BRIP1: variants seen among roughly 807,000 people sequenced by gnomAD.
BRIP1 encodes Fanconi anemia group J protein.
A neutral mutation model predicts 119.7 loss-of-function variants in BRIP1; 88 were observed. The ratio of observed to expected loss-of-function variants is 0.74; its 90% CI spans 0.62 to 0.88. BRIP1 has a LOEUF of 0.88. Ranked by LOEUF, BRIP1 falls within the 40% of genes least tolerant of loss-of-function variation. The pLI, the probability that BRIP1 is intolerant of heterozygous loss-of-function variation, is 0.00. For synonymous variants in BRIP1, 443 were observed against 496.5 expected (o/e 0.89, Z 1.43); for missense variants, 1,259 against 1,455.4 (o/e 0.87, Z 2.20).
At chr17:61,765,680 C>G (rs1307767533) in intron 14 of BRIP1, among the ~76,000 whole-genome samples, 1 of 150,754 alleles carries the variant, frequency 6.6e-6, no homozygotes, top group African/African-American at 2.4e-5. Flanking sequence ...GGTGATCCAC[C>G]CTCCTTGGCC....
chr17:61,856,915 C>T lies in BRIP1; in HGVS notation c.379+143G>A. On this transcript the variant is annotated intron_variant, in intron 4 of 19. Coordinates refer to ENST00000259008, the MANE Select transcript of BRIP1 (RefSeq NM_032043.3). The surrounding 1 kb of genome is among the most constrained non-coding windows in gnomAD (Gnocchi z 5.1). ...TCTATGGATTTTTGACCACTCTGTGCTATTTTAAAATCATTCCAGAGAAAC... is the reference window on the plus strand; with the variant it reads ...TCTATGGATTTTTGACCACTCTGTGTTATTTTAAAATCATTCCAGAGAAAC... 6.0e-6 allele frequency: 5 copies of T among 828,098 alleles called. No homozygotes were observed. In the South Asian group the frequency reaches 7.9e-5, roughly 13 times the overall value. 51.3% of individuals were successfully genotyped at this position (828,098 alleles called of 1,614,324 possible).
rs2076908247 is a variant in BRIP1 at position 61,735,696 on chromosome 17, G to C, written c.2379+7317C>G. Among the ~76,000 whole-genome samples, 1 of 151,938 alleles carries C rather than the reference G, an allele frequency of 6.6e-6. No homozygotes were observed. Among genetic ancestry groups the C allele is most frequent in the Non-Finnish European group, 1.5e-5 (1 of 67,994 alleles). On this transcript the variant is annotated intron_variant, in intron 16 of 19. Coordinates refer to ENST00000259008, the MANE Select transcript of BRIP1 (RefSeq NM_032043.3). This position sits in a 1 kb window ranked among gnomAD's most constrained non-coding sequence, Gnocchi z 4.4. ...TGTGGCTGTAGTGCCAGCTACCCAGGAGGCTGAGGTGGGAGGATCACCTGA... is the reference window on the plus strand; with the variant it reads ...TGTGGCTGTAGTGCCAGCTACCCAGCAGGCTGAGGTGGGAGGATCACCTGA...
rs1007491136 is a variant in BRIP1 at position 61,794,662 on chromosome 17, C to T, written c.1341-933G>A. 6.7e-6 allele frequency among the ~76,000 whole-genome samples: 1 copy of T among 150,146 alleles called. No homozygotes were observed. The highest frequency in any genetic ancestry group is 1.5e-5 in the Non-Finnish European group (1 of 67,672). ...CATGTTTACCTGTATAACAAACCTG[C>T]ACATGTACCCCTGAACTTAAAAGTT... On this transcript the variant is annotated intron_variant, in intron 9 of 19. Transcript: ENST00000259008. This position sits in a 1 kb window ranked among gnomAD's most constrained non-coding sequence, Gnocchi z 4.3.
Position 61,845,932 on chromosome 17 carries a change from T to C in BRIP1, c.627+1169A>G, listed in dbSNP as rs1437390900. ...TGATGCTGGAAAACTATTATTAACATAGGTTGGGTTGAGGCCAAGGTGGGC... is the reference window on the plus strand; with the variant it reads ...TGATGCTGGAAAACTATTATTAACACAGGTTGGGTTGAGGCCAAGGTGGGC... On this transcript the variant is annotated intron_variant, in intron 6 of 19. Transcript: ENST00000259008. This position sits in a 1 kb window ranked among gnomAD's most constrained non-coding sequence, Gnocchi z 4.2. Among the ~76,000 whole-genome samples the C allele has an allele frequency of 1.3e-5, 2 of 152,192 alleles. No individual in the cohort carries two copies. Among genetic ancestry groups the C allele is most frequent in the East Asian group, 3.9e-4 (2 of 5,178 alleles).
Position 61,752,032 on chromosome 17 carries a change from G to A in BRIP1, c.2098-7441C>T, listed in dbSNP as rs1449157189. Among the ~76,000 whole-genome samples the A allele has an allele frequency of 6.6e-6, 1 of 152,092 alleles. No homozygotes were observed. Among genetic ancestry groups the A allele is most frequent in the Non-Finnish European group, 1.5e-5 (1 of 68,024 alleles). ...GATCCACCCCTCAGCCTCCCAAAGT[G>A]CCGGGATCACAGGCATGACCCACTG... On this transcript the variant is annotated intron_variant, in intron 14 of 19. Transcript: ENST00000259008. The surrounding 1 kb of genome is among the most constrained non-coding windows in gnomAD (Gnocchi z 6.2).
At position 61,795,102 on chromosome 17, in the gene BRIP1, T is replaced by A. The variant is rs1451788528; in HGVS notation, c.1341-1373A>T. ...GGCAATGGGAAGGCTTGGGTTTTAA[T>A]TTTTAATTTTCGTGGGTACATAGTA... On this transcript the variant is annotated intron_variant, in intron 9 of 19. Coordinates refer to ENST00000259008, the MANE Select transcript of BRIP1 (RefSeq NM_032043.3). This position sits in a 1 kb window ranked among gnomAD's most constrained non-coding sequence, Gnocchi z 5.6. Among the ~76,000 whole-genome samples, 1 of 152,108 alleles carries A rather than the reference T, an allele frequency of 6.6e-6. No homozygotes were observed. Among genetic ancestry groups the A allele is most frequent in the Non-Finnish European group, 1.5e-5 (1 of 67,994 alleles).
At position 61,722,045 on chromosome 17, in the gene BRIP1, T is replaced by A. The variant is rs1276324219; in HGVS notation, c.2380-5982A>T. ...CGCCTAGCCAACTTTGCTTTTTTTT[T>A]TTTTCTTTTTTTTTGAGACGGAGTC... On this transcript the variant is annotated intron_variant, in intron 16 of 19. Transcript: ENST00000259008. This position sits in a 1 kb window ranked among gnomAD's most constrained non-coding sequence, Gnocchi z 4.6. Among the ~76,000 whole-genome samples the A allele has an allele frequency of 6.6e-6, 1 of 151,354 alleles. No individual in the cohort carries two copies. The highest frequency in any genetic ancestry group is 1.5e-5 in the Non-Finnish European group (1 of 67,822).
intron 11 of BRIP1, among the ~76,000 whole-genome samples, chr17:61,781,699 G>A (rs776812829): frequency 2.6e-5 from 4 of 152,016 alleles, no homozygotes; most frequent in Non-Finnish European, 4.4e-5. Context: ...GAGGCAGGTG[G>A]ATCACGAGGT....
Position 61,683,916 on chromosome 17 carries a change from T to C in BRIP1, c.3130A>G (p.Lys1044Glu). Reference sequence around the variant, plus strand: ...TTATCAGTGAAGGGCAAAACAGTTTTACTTTCCATCTTCTCTGTTTTGAAA... The same window carrying C: ...TTATCAGTGAAGGGCAAAACAGTTTCACTTTCCATCTTCTCTGTTTTGAAA... ...PRFKTEKMESKTVLPFTDKCE... is the reference protein window; with the variant it reads ...PRFKTEKMESETVLPFTDKCE... Residue 1044 changes from lysine to glutamate, a missense_variant, in exon 20 of 20, where the codon AAA becomes GAA. Around this residue, in one of 3 missense-constraint regions of BRIP1, gnomAD observed 753 missense variants for 891.8 expected, o/e 0.84. Transcript: ENST00000259008. The surrounding 1 kb of genome is among the most constrained non-coding windows in gnomAD (Gnocchi z 4.7). 6.2e-7 allele frequency: 1 copy of C among 1,614,208 alleles called. No individual in the cohort carries two copies. The highest frequency in any genetic ancestry group is 8.5e-7 in the Non-Finnish European group (1 of 1,180,036).
chr17:61,748,943 C>T lies in BRIP1; in HGVS notation c.2098-4352G>A, dbSNP rs972782761. On this transcript the variant is annotated intron_variant, in intron 14 of 19. Coordinates refer to ENST00000259008, the MANE Select transcript of BRIP1 (RefSeq NM_032043.3). The surrounding 1 kb of genome is among the most constrained non-coding windows in gnomAD (Gnocchi z 4.7). ...ACGAGGTCAGGAGATTGAGACCATCCTGGCTAACACGGTGAAACCCCATCT... is the reference window on the plus strand; with the variant it reads ...ACGAGGTCAGGAGATTGAGACCATCTTGGCTAACACGGTGAAACCCCATCT... Among the ~76,000 whole-genome samples the T allele has an allele frequency of 6.6e-6, 1 of 152,142 alleles. No homozygotes were observed. Among genetic ancestry groups the T allele is most frequent in the Non-Finnish European group, 1.5e-5 (1 of 68,018 alleles).
At position 61,685,549 on chromosome 17, in the gene BRIP1, C is replaced by T. The variant is rs1305823911; in HGVS notation, c.2905+287G>A. The T allele has an allele frequency of 6.4e-6, 3 of 466,462 alleles. No homozygotes were observed. In the East Asian group the frequency reaches 1.0e-4, roughly 16 times the overall value. The allele number at this position is 466,462 out of a possible 1,614,324, so 28.9% of individuals were successfully genotyped here. ...CAACCTGAAGGGATAGCTAGGCAGGCATTTTTTTTTTCCTATTACGACTCA... is the reference window on the plus strand; with the variant it reads ...CAACCTGAAGGGATAGCTAGGCAGGTATTTTTTTTTTCCTATTACGACTCA... On this transcript the variant is annotated intron_variant, in intron 19 of 19. Coordinates refer to ENST00000259008, the MANE Select transcript of BRIP1 (RefSeq NM_032043.3).
In BRIP1 at chr17:61,689,527, G is replaced by A. The variant is rs1567734728; in HGVS notation, c.2576-3362C>T. Reference sequence around the variant, plus strand: ...AAGCTTATTTATAGAAATAATGACCGAAAACTTAATAAACCTGGGGGGAGG... The same window carrying A: ...AAGCTTATTTATAGAAATAATGACCAAAAACTTAATAAACCTGGGGGGAGG... On this transcript the variant is annotated intron_variant, in intron 18 of 19. Transcript: ENST00000259008. The surrounding 1 kb of genome is among the most constrained non-coding windows in gnomAD (Gnocchi z 4.5). Among the ~76,000 whole-genome samples, 4 of 152,034 alleles carry A rather than the reference G, an allele frequency of 2.6e-5. No individual in the cohort carries two copies. Among genetic ancestry groups the A allele is most frequent in the Non-Finnish European group, 4.4e-5 (3 of 67,998 alleles).
rs71153405 is a variant in BRIP1, at chr17:61,804,410, ATGTGTG to A, written c.919-2942_919-2937del. Among the ~76,000 whole-genome samples the A allele has an allele frequency of 2.7e-4, 34 of 125,506 alleles. No homozygotes were observed. The highest frequency in any genetic ancestry group is 1.2e-3 in the East Asian group (5 of 4,224). 82.3% of individuals were successfully genotyped at this position (125,506 alleles called of 152,430 possible). ...AAGACTTTGAGGCAGCTATATACAT[ATGTGTG>A]TGTGTGTGTGTGTGTGTGTGTGTGT... On this transcript the variant is annotated intron_variant, in intron 7 of 19. Coordinates refer to ENST00000259008, the MANE Select transcript of BRIP1 (RefSeq NM_032043.3). The surrounding 1 kb of genome is among the most constrained non-coding windows in gnomAD (Gnocchi z 4.5).
In BRIP1 at chr17:61,809,094, AT is replaced by A. The variant is rs1439851538; in HGVS notation, c.628-338del. Among the ~76,000 whole-genome samples the A allele has an allele frequency of 1.3e-5, 2 of 152,086 alleles. No homozygotes were observed. The highest frequency in any genetic ancestry group is 1.3e-4 in the Admixed American group (2 of 15,266). Reference sequence around the variant, plus strand: ...ATAAAACAAAGTAGGAACAATTTTAATTTTTTCTTAGGCTTCATACGAACTT... The same window carrying A: ...ATAAAACAAAGTAGGAACAATTTTAATTTTTCTTAGGCTTCATACGAACTT... On this transcript the variant is annotated intron_variant, in intron 6 of 19. Coordinates refer to ENST00000259008, the MANE Select transcript of BRIP1 (RefSeq NM_032043.3). The surrounding 1 kb of genome is among the most constrained non-coding windows in gnomAD (Gnocchi z 5.2).
chr17:61,801,214 G>A (rs372879697), intron 8 of BRIP1, 39 bp downstream of exon 8: 57 of 1,542,572 alleles, frequency 3.7e-5, no homozygotes, highest in Non-Finnish European at 4.8e-5. Context: ...ACATCTCCAT[G>A]AGTAGGAAGA....
At chr17:61,783,269 CTG>C (rs1244041586) in intron 11 of BRIP1, among the ~76,000 whole-genome samples, 1 of 152,114 alleles carries the variant, frequency 6.6e-6, no homozygotes, top group Non-Finnish European at 1.5e-5. Context: ...TCTGAAAACA[CTG>C]TGCCAAATGA....
Position 61,848,545 on chromosome 17 carries a change from A to C in BRIP1, c.507+584T>G, listed in dbSNP as rs530763001. Among the ~76,000 whole-genome samples the C allele has an allele frequency of 6.6e-6, 1 of 152,118 alleles. No individual in the cohort carries two copies. The highest frequency in any genetic ancestry group is 1.9e-4 in the East Asian group (1 of 5,194). On this transcript the variant is annotated intron_variant, in intron 5 of 19. Coordinates refer to ENST00000259008, the MANE Select transcript of BRIP1 (RefSeq NM_032043.3). The surrounding 1 kb of genome is among the most constrained non-coding windows in gnomAD (Gnocchi z 4.3). ...ATCTTTTTTATTTGTAACTAAATCT[A>C]TTAAAATCCCAGCCTTCCTATCTCA...
At position 61,736,408 on chromosome 17, in the gene BRIP1, C is replaced by T. The variant is rs1431989990; in HGVS notation, c.2379+6605G>A. Among the ~76,000 whole-genome samples the T allele has an allele frequency of 1.3e-5, 2 of 152,156 alleles. No homozygotes were observed. Among genetic ancestry groups the T allele is most frequent in the Non-Finnish European group, 2.9e-5 (2 of 68,016 alleles). On this transcript the variant is annotated intron_variant, in intron 16 of 19. Coordinates refer to ENST00000259008, the MANE Select transcript of BRIP1 (RefSeq NM_032043.3). The surrounding 1 kb of genome is among the most constrained non-coding windows in gnomAD (Gnocchi z 4.4). ...TAGTCAATATAAGATACTCCCTCCA[C>T]TTATTATGTTCTACTATGTATTAAA...
Position 61,804,576 on chromosome 17 carries a change from G to C in BRIP1, c.919-3102C>G, listed in dbSNP as rs1252244390. On this transcript the variant is annotated intron_variant, in intron 7 of 19. Coordinates refer to ENST00000259008, the MANE Select transcript of BRIP1 (RefSeq NM_032043.3). The surrounding 1 kb of genome is among the most constrained non-coding windows in gnomAD (Gnocchi z 4.5). ...GCTAATTTTTTGTATTTTTAGTAGA[G>C]ACAGGTTTTGCCATGTTGGCCAGGC... Among the ~76,000 whole-genome samples, 2 of 151,862 alleles carry C rather than the reference G, an allele frequency of 1.3e-5. No individual in the cohort carries two copies. The highest frequency in any genetic ancestry group is 2.4e-5 in the African/African-American group (1 of 41,344).
Sources: gnomAD v4.1 joint callset for allele counts (sites outside exome capture counted in the v4.1 genomes callset) on GRCh38, gnomAD v4.1.1 for gene constraint, gnomAD v4.1.1 regional missense constraint, Gnocchi (gnomAD v3.1) non-coding constraint, MANE v1.5 for transcripts, NCBI Gene and HGNC (gene_info 2026-07-23, HGNC 2026-07-21) for gene names.